M1AP: variants seen among roughly 807,000 people sequenced by gnomAD.
M1AP encodes the protein meiosis 1 associated protein.
Under a neutral mutation model 51.2 loss-of-function variants are expected in M1AP, and 39 were observed. That is an observed-to-expected ratio of 0.76 (90% CI 0.59 to 1.00). The LOEUF is 1.00. M1AP is among the 50% of genes least tolerant of loss of function. The pLI is 0.00. For missense variants in M1AP, 545 were observed against 641.2 expected, an observed-to-expected ratio of 0.85 and a Z score of 1.62; for synonymous variants, 251 against 249.2, an observed-to-expected ratio of 1.01 and a Z score of -0.07.
rs764199668 is a variant in M1AP, at chr2:74,615,038, C to T, written c.352G>A (p.Asp118Asn). ...QGASLRLAVE[D>N]GLQQFKQYSR... ...TATTGTTTGAATTGCTGGAGCCCAT[C>T]CTCTACTGCCAGCCGCAGAGAAGCA... The change falls in exon 3 of 11, where the codon GAT becomes AAT. Residue 118 changes from aspartate to asparagine, a missense_variant. Transcript: ENST00000421985. 33 of 1,614,068 alleles carry T rather than the reference C, an allele frequency of 2.0e-5. No individual in the cohort carries two copies. Among genetic ancestry groups the T allele is most frequent in the Non-Finnish European group, 2.6e-5 (31 of 1,180,028 alleles).
At chr2:74,597,721 C>T (rs1023196571) in intron 4 of M1AP, among the ~76,000 whole-genome samples, 9 of 152,314 alleles carry the variant, frequency 5.9e-5, no homozygotes, top group South Asian at 4.1e-4. Flanking sequence ...TTGCCAGCAT[C>T]ATTAGGTTGA....
intron 2 of M1AP, among the ~76,000 whole-genome samples, chr2:74,638,854 C>T (rs1025084608): frequency 6.6e-6 from 1 of 152,160 alleles, no homozygotes; most frequent in African/African-American, 2.4e-5. Flanking sequence ...TAATTTAGAC[C>T]ACTACATTTT....
intron 2 of M1AP, among the ~76,000 whole-genome samples, chr2:74,620,158 C>G (rs374302535): frequency 6.6e-6 from 1 of 152,194 alleles, no homozygotes; most frequent in East Asian, 1.9e-4. Context: ...TTAACCTTGA[C>G]AAGGACGACA....
At chr2:74,604,915 A>G (rs1680880584) in intron 4 of M1AP, among the ~76,000 whole-genome samples, 1 of 152,198 alleles carries the variant, frequency 6.6e-6, no homozygotes, top group Non-Finnish European at 1.5e-5. Flanking sequence ...AGATAATTCA[A>G]GAATAAAAGT....
At position 74,640,308 on chromosome 2, in the gene M1AP, C is replaced by T. The variant is rs745955481; in HGVS notation, c.-33G>A. ...AAACCAGAGGGGGAACTGTAGCCAC[C>T]AGCTGGATATTCTTTACACCTATAG... On this transcript the variant is annotated 5_prime_UTR_variant, in exon 2 of 11. Transcript: ENST00000421985. 1.5e-5 allele frequency: 24 copies of T among 1,611,938 alleles called. No homozygotes were observed. In the African/African-American group the frequency reaches 3.1e-4, roughly 21 times the overall value.
chr2:74,562,555 T>C, intron 7 of M1AP, 132 bp from the exon 8 acceptor site: 2 of 853,308 alleles, frequency 2.3e-6, no homozygotes, highest in South Asian at 1.7e-5. Flanking sequence ...TCGGCCCTGG[T>C]AGGGAGGGAC....
At chr2:74,604,309 A>G (rs942485949) in intron 4 of M1AP, among the ~76,000 whole-genome samples, 8 of 151,970 alleles carry the variant, frequency 5.3e-5, no homozygotes, top group African/African-American at 1.7e-4. Context: ...CTGCTTAGCT[A>G]ATTCCTACTT....
intron 4 of M1AP, among the ~76,000 whole-genome samples, chr2:74,604,522 A>C (rs1680856831): frequency 6.6e-6 from 1 of 152,206 alleles, no homozygotes; most frequent in South Asian, 2.1e-4. Flanking sequence ...CTCTCCTATA[A>C]GGATCTAATG....
Position 74,558,823 on chromosome 2 carries a change from T to C in M1AP, c.1486A>G (p.Met496Val), listed in dbSNP as rs1473108493. 6.2e-7 allele frequency: 1 copy of C among 1,608,004 alleles called. No individual in the cohort carries two copies. The highest frequency in any genetic ancestry group is 8.5e-7 in the Non-Finnish European group (1 of 1,177,596). The change falls in exon 11 of 11, where the codon ATG becomes GTG. Residue 496 changes from methionine to valine, a missense_variant. Physicochemically the swap from Met to Val is conservative, Grantham distance 21 (BLOSUM62 1). Coordinates refer to ENST00000421985, the MANE Select transcript of M1AP (RefSeq NM_001321739.2). The stretch of plus-strand genomic sequence containing the variant: ...GAGGCTCTGCCTGGGACAGGAGTCA[T>C]AGGCAGGGGGGCCACAGTAGCTCGA... ...RARATVAPLP[M>V]TPVPGRASKM...
In M1AP at chr2:74,619,119, C is replaced by T. The variant is rs76851293; in HGVS notation, c.241-3970G>A. 6.6e-4 allele frequency: 195 copies of T among 294,850 alleles called. 5 individuals carry two copies. The East Asian group carries it at 0.016, about 24-fold the overall frequency. 18.3% of individuals were successfully genotyped at this position (294,850 alleles called of 1,614,324 possible). ...GTGCTTATTATTGAAGACTATCAGA[C>T]GGCACAGGTTCCAGGTCCTTCAGCT... is the stretch of plus-strand genomic sequence containing the variant. On this transcript the variant is annotated intron_variant, in intron 2 of 10. Transcript: ENST00000421985.
intron 4 of M1AP, among the ~76,000 whole-genome samples, chr2:74,587,268 G>A (rs890852405): frequency 6.6e-6 from 1 of 150,736 alleles, no homozygotes; most frequent in Non-Finnish European, 1.5e-5. Context: ...GCGCGATCTC[G>A]GCTCACTGCA....
intron 4 of M1AP, among the ~76,000 whole-genome samples, chr2:74,601,663 G>C (rs951151955): frequency 6.6e-6 from 1 of 152,078 alleles, no homozygotes; most frequent in African/African-American, 2.4e-5. Context: ...CATATTAAAG[G>C]AAGTCCCATT....
intron 7 of M1AP, among the ~76,000 whole-genome samples, chr2:74,574,640 A>G (rs569139647): frequency 6.6e-6 from 1 of 152,250 alleles, no homozygotes; most frequent in East Asian, 1.9e-4. Flanking sequence ...ATTTCTCATG[A>G]TTTGTTTCCC....
At chr2:74,593,947 T>C (rs926925633) in intron 4 of M1AP, among the ~76,000 whole-genome samples, 2 of 152,142 alleles carry the variant, frequency 1.3e-5, no homozygotes, top group African/African-American at 4.8e-5. Context: ...AAGAAATCCA[T>C]GAAAGGAGAG....
At position 74,637,664 on chromosome 2, in the gene M1AP, T is replaced by C. The variant is rs138165495; in HGVS notation, c.240+2372A>G. Among the ~76,000 whole-genome samples the C allele has an allele frequency of 1.9e-3, 286 of 152,344 alleles. 1 individual carries two copies. The highest frequency in any genetic ancestry group is 6.7e-3 in the African/African-American group (277 of 41,582). On this transcript the variant is annotated intron_variant, in intron 2 of 10. Coordinates refer to ENST00000421985, the MANE Select transcript of M1AP (RefSeq NM_001321739.2). Reference sequence around the variant, plus strand: ...CTAAGTCTTGGGCTATTTTATGCCCTACTACTGAGGCAAGATCTTTGTGAG... The same window carrying C: ...CTAAGTCTTGGGCTATTTTATGCCCCACTACTGAGGCAAGATCTTTGTGAG...
intron 7 of M1AP, among the ~76,000 whole-genome samples, chr2:74,571,931 G>A (rs531925192): frequency 5.1e-4 from 77 of 152,154 alleles, no homozygotes; most frequent in African/African-American, 1.7e-3. Flanking sequence ...AGGAGGTGGA[G>A]GTTGTGATGA....
chr2:74,634,956 T>A (rs1339727897), intron 2 of M1AP, among the ~76,000 whole-genome samples: 1 of 152,158 alleles, frequency 6.6e-6, no homozygotes, highest in Admixed American at 6.5e-5. Flanking sequence ...TTTTCTTTTT[T>A]TGTACCACCT....
Position 74,615,164 on chromosome 2 carries a change from G to A in M1AP, c.241-15C>T, listed in dbSNP as rs546597113. On this transcript the variant is annotated splice_polypyrimidine_tract_variant and intron_variant, in intron 2 of 10. Coordinates refer to ENST00000421985, the MANE Select transcript of M1AP (RefSeq NM_001321739.2). ...CCTTTCACTTGCTGCAGAGAAAAAC[G>A]AATCAAAGACACAAGTCTTTAGGGA... is the stretch of plus-strand genomic sequence containing the variant. 19 of 1,612,710 alleles carry A rather than the reference G, an allele frequency of 1.2e-5. No individual in the cohort carries two copies. The South Asian group carries it at 1.8e-4, about 15-fold the overall frequency.
intron 4 of M1AP, among the ~76,000 whole-genome samples, chr2:74,598,621 CTTTTTTT>C (rs534856535): frequency 5.2e-4 from 60 of 114,396 alleles, no homozygotes; most frequent in African/African-American, 2.1e-3. Flanking sequence ...TGTATATCAA[CTTTTTTT>C]TTTTTTTTTT....
Sources: gnomAD v4.1 joint callset for allele counts (sites outside exome capture counted in the v4.1 genomes callset) on GRCh38, gnomAD v4.1.1 for gene constraint, MANE v1.5 for transcripts, NCBI Gene and HGNC (gene_info 2026-07-23, HGNC 2026-07-21) for gene names.